ZNF536: variants seen among roughly 807,000 people sequenced by gnomAD.
ZNF536 encodes the protein zinc finger protein 536.
ZNF536 carries 13 observed loss-of-function variants against 84.5 expected under a neutral mutation model. That is an observed-to-expected ratio of 0.15 (90% CI 0.10 to 0.24). The LOEUF (loss-of-function observed/expected upper bound fraction) is 0.24. Ranked by LOEUF, ZNF536 falls within the 10% of genes least tolerant of loss-of-function variation. The probability of loss-of-function intolerance (pLI) is 1.00; values close to 1 mark genes in which losing one functional copy is unlikely to be tolerated. For synonymous variants in ZNF536, 811 were observed against 742.5 expected (o/e 1.09, Z -1.50); for missense variants, 1,536 against 1,747.5 (o/e 0.88, Z 2.16).
intron 1 of ZNF536, among the ~76,000 whole-genome samples, chr19:30,647,168 G>C (rs986238052): frequency 2.6e-5 from 4 of 152,084 alleles, no homozygotes; most frequent in African/African-American, 9.7e-5. Context: ...TCTCCCTTTT[G>C]TGAATCCATG....
intron 1 of ZNF536, among the ~76,000 whole-genome samples, chr19:30,641,904 A>T (rs1451712094): frequency 6.7e-6 from 1 of 148,162 alleles, no homozygotes; most frequent in Non-Finnish European, 1.5e-5. Context: ...TTGGTTGTGG[A>T]TGGAAAAGCG....
exon 2 of ZNF536, chr19:30,713,291 G>T (rs1287983023): frequency 1.3e-5 from 2 of 152,072 alleles, no homozygotes; most frequent in African/African-American, 2.4e-5. Flanking sequence ...AACATGTCAA[G>T]TTTTTTCCCT....
intron 1 of ZNF536, among the ~76,000 whole-genome samples, chr19:30,699,806 G>C (rs987814034): frequency 1.3e-5 from 2 of 152,168 alleles, no homozygotes; most frequent in Non-Finnish European, 2.9e-5. Context: ...TTCAAAGGAA[G>C]CAGCAGGTGA....
At chr19:30,420,342 C>A (rs900781609) in intron 1 of ZNF536, among the ~76,000 whole-genome samples, 1 of 152,174 alleles carries the variant, frequency 6.6e-6, no homozygotes, top group Non-Finnish European at 1.5e-5. Context: ...ATACCCCGAT[C>A]CGCAGTGCGG....
At chr19:30,520,283 T>G (rs915577929) in intron 2 of ZNF536, among the ~76,000 whole-genome samples, 2 of 152,020 alleles carry the variant, frequency 1.3e-5, no homozygotes, top group African/African-American at 2.4e-5. Context: ...GTTCTCGGGG[T>G]AGGGGATGAG....
At chr19:30,517,961 G>A (rs2044153357) in intron 2 of ZNF536, among the ~76,000 whole-genome samples, 1 of 152,150 alleles carries the variant, frequency 6.6e-6, no homozygotes, top group Admixed American at 6.5e-5. Flanking sequence ...AACGTGGTGG[G>A]CACAGCGTGT....
At chr19:30,534,747 A>G in intron 2 of ZNF536, 100 bp from the exon 3 acceptor site, 2 of 1,202,166 alleles carry the variant, frequency 1.7e-6, no homozygotes, top group Admixed American at 2.5e-5. Flanking sequence ...AGACAGGTGT[A>G]GTATTGACAT....
At position 30,614,973 on chromosome 19, in the gene ZNF536, G is replaced by A. The variant is rs537918116; in HGVS notation, c.169+65459G>A. On this transcript the variant is annotated intron_variant, in intron 1 of 1. Coordinates refer to the ZNF536 transcript ENST00000592773. ...TTTTTTTTTTTTTTTTTGAGGCGGA[G>A]TTTCGCTCTGTCGCCCAGGCTGGAG... is the stretch of plus-strand genomic sequence containing the variant. 1.9e-3 allele frequency among the ~76,000 whole-genome samples: 42 copies of A among 21,780 alleles called. 2 individuals are homozygous for A. Among genetic ancestry groups the A allele is most frequent in the African/African-American group, 5.8e-3 (41 of 7,104 alleles). 14.3% of individuals were successfully genotyped at this position (21,780 alleles called of 152,430 possible). A position where few individuals can be genotyped will look rare whatever the true frequency, so the allele number is the denominator to read the frequency against.
At chr19:30,701,595 G>A (rs1453115209) in intron 1 of ZNF536, among the ~76,000 whole-genome samples, 1 of 152,078 alleles carries the variant, frequency 6.6e-6, no homozygotes, top group Non-Finnish European at 1.5e-5. Flanking sequence ...CCCCTTCAGG[G>A]GGTTCATGGA....
At chr19:30,350,779 T>C (rs548722352) in intron 2 of ZNF536, among the ~76,000 whole-genome samples, 122 of 152,342 alleles carry the variant, frequency 8.0e-4, no homozygotes, top group African/African-American at 2.8e-3. Context: ...GCCACAAATA[T>C]AAAATTGTCC....
intron 1 of ZNF536, among the ~76,000 whole-genome samples, chr19:30,424,780 G>A (rs1193811263): frequency 6.6e-6 from 1 of 152,178 alleles, no homozygotes; most frequent in Non-Finnish European, 1.5e-5. Context: ...AGACCCATTA[G>A]TGGGATTTCA....
At chr19:30,450,289 G>GGTATAA (rs1419314067) in intron 2 of ZNF536, among the ~76,000 whole-genome samples, 2 of 152,088 alleles carry the variant, frequency 1.3e-5, no homozygotes, top group Non-Finnish European at 2.9e-5. Flanking sequence ...CTTTATACCG[G>GGTATAA]AGCTCGGGGA....
chr19:30,515,456 C>T (rs1353728613), intron 2 of ZNF536, among the ~76,000 whole-genome samples: 2 of 152,112 alleles, frequency 1.3e-5, no homozygotes, highest in Admixed American at 6.5e-5. Flanking sequence ...ATTTTGCTCT[C>T]CCTGGTGCAT....
At chr19:30,577,941 G>T (rs752181746) in intron 1 of ZNF536, among the ~76,000 whole-genome samples, 1 of 152,124 alleles carries the variant, frequency 6.6e-6, no homozygotes, top group Non-Finnish European at 1.5e-5. Context: ...AGAGAGTTTC[G>T]CAGGCAATGG....
At chr19:30,617,799 G>GT (rs1205768923) in intron 1 of ZNF536, among the ~76,000 whole-genome samples, 2 of 151,948 alleles carry the variant, frequency 1.3e-5, no homozygotes, top group Non-Finnish European at 2.9e-5. Flanking sequence ...GTTTTTAAAT[G>GT]TTTTTTGTTT....
intron 1 of ZNF536, among the ~76,000 whole-genome samples, chr19:30,700,347 CCTCCT>C (rs1347624526): frequency 4.2e-4 from 62 of 149,144 alleles, no homozygotes; most frequent in Middle Eastern, 3.4e-3. Context: ...CTCCCTCCCC[CCTCCT>C]TCCTTCCTTC....
intron 2 of ZNF536, among the ~76,000 whole-genome samples, chr19:30,335,231 G>A (rs2047343853): frequency 6.6e-6 from 1 of 152,216 alleles, no homozygotes; most frequent in Admixed American, 6.5e-5. Flanking sequence ...TATGAACAGT[G>A]TGACCTTGGG....
chr19:30,508,391 A>G (rs1176452429), intron 2 of ZNF536, among the ~76,000 whole-genome samples: 1 of 151,958 alleles, frequency 6.6e-6, no homozygotes, highest in Non-Finnish European at 1.5e-5. Context: ...TCTTCTGGTC[A>G]CTCTCCTTCA....
chr19:30,232,504 G>T (rs2023143672), intron 1 of ZNF536, among the ~76,000 whole-genome samples: 1 of 151,146 alleles, frequency 6.6e-6, no homozygotes, highest in Non-Finnish European at 1.5e-5. Flanking sequence ...CCAATCTTTA[G>T]CTTCCACTTA....
Sources: allele counts gnomAD v4.1 joint callset (sites outside exome capture counted in the v4.1 genomes callset), GRCh38; gene constraint gnomAD v4.1.1; transcripts MANE v1.5; gene names NCBI Gene and HGNC (gene_info 2026-07-23, HGNC 2026-07-21).